MACROD2: variants seen among roughly 807,000 people sequenced by gnomAD.
MACROD2 encodes the protein mono-ADP ribosylhydrolase 2, also known as ADP-ribose glycohydrolase MACROD2.
A neutral mutation model predicts 70.4 loss-of-function variants in MACROD2; 36 were observed. That is an observed-to-expected ratio of 0.51 (90% confidence interval 0.39 to 0.68). The LOEUF (loss-of-function observed/expected upper bound fraction) is 0.68, where lower values mean the gene tolerates loss of function less well. Among genes scored for constraint, MACROD2 ranks in the 30% least tolerant of loss-of-function variants. The probability of loss-of-function intolerance (pLI) is 0.00; values close to 1 mark genes in which losing one functional copy is unlikely to be tolerated. For missense variants in MACROD2, 496 were observed against 538.4 expected, an observed-to-expected ratio of 0.92 and a Z score of 0.78; for synonymous variants, 172 against 178.8, an observed-to-expected ratio of 0.96 and a Z score of 0.30.
intron 5 of MACROD2, among the ~76,000 whole-genome samples, chr20:15,007,810 C>T (rs1379513769): frequency 6.6e-6 from 1 of 152,216 alleles, no homozygotes; most frequent in African/African-American, 2.4e-5. Flanking sequence ...CTCTCAGGGA[C>T]ATTGCTTCAG....
chr20:15,725,927 TA>T (rs2050856012), intron 8 of MACROD2, among the ~76,000 whole-genome samples: 1 of 152,136 alleles, frequency 6.6e-6, no homozygotes, highest in South Asian at 2.1e-4. Flanking sequence ...TTTACCTATC[TA>T]AAAATATATA....
intron 5 of MACROD2, among the ~76,000 whole-genome samples, chr20:15,074,512 C>T (rs2123114921): frequency 1.3e-5 from 2 of 152,200 alleles, no homozygotes; most frequent in East Asian, 3.9e-4. Flanking sequence ...TTGTGGGAAC[C>T]TCGATTTAGA....
chr20:15,596,141 AAAG>A (rs2048743580), intron 8 of MACROD2, among the ~76,000 whole-genome samples: 3 of 152,216 alleles, frequency 2.0e-5, no homozygotes, highest in African/African-American at 7.2e-5. Context: ...TAATCTAAAC[AAAG>A]AAGAACAAGA....
intron 5 of MACROD2, among the ~76,000 whole-genome samples, chr20:15,166,489 A>G (rs184041059): frequency 2.0e-5 from 3 of 152,320 alleles, no homozygotes; most frequent in Non-Finnish European, 4.4e-5. Flanking sequence ...TGTAAAAAAT[A>G]AATTTCCATT....
intron 5 of MACROD2, among the ~76,000 whole-genome samples, chr20:14,906,472 C>A (rs560808479): frequency 6.6e-6 from 1 of 152,038 alleles, no homozygotes; most frequent in Non-Finnish European, 1.5e-5. Flanking sequence ...CCAGCCTGGG[C>A]AACAGAGTGA....
chr20:14,858,860 A>C (rs928892251), intron 5 of MACROD2, among the ~76,000 whole-genome samples: 1 of 152,132 alleles, frequency 6.6e-6, no homozygotes, highest in African/African-American at 2.4e-5. Flanking sequence ...ACTCACCTCA[A>C]AGGTTGTTGT....
At chr20:14,528,343 A>G (rs1450100611) in intron 4 of MACROD2, among the ~76,000 whole-genome samples, 4 of 136,144 alleles carry the variant, frequency 2.9e-5, no homozygotes, top group African/African-American at 8.5e-5. Flanking sequence ...TTCAGTAGAG[A>G]TGGTTTCTCC....
chr20:14,810,129 C>T (rs942254327), intron 5 of MACROD2, among the ~76,000 whole-genome samples: 1 of 152,054 alleles, frequency 6.6e-6, no homozygotes. Context: ...GGCAGAGACA[C>T]AACAACGACA....
intron 5 of MACROD2, among the ~76,000 whole-genome samples, chr20:14,691,277 A>T (rs2071060722): frequency 6.6e-6 from 1 of 152,226 alleles, no homozygotes; most frequent in Non-Finnish European, 1.5e-5. Context: ...ATTGAATTTT[A>T]TTAAATGAAT....
At chr20:14,424,739 G>A (rs1399920636) in intron 3 of MACROD2, among the ~76,000 whole-genome samples, 3 of 152,144 alleles carry the variant, frequency 2.0e-5, no homozygotes, top group African/African-American at 7.2e-5. Context: ...TTTATTTTCA[G>A]CATCCCTGGA....
intron 8 of MACROD2, among the ~76,000 whole-genome samples, chr20:15,797,999 A>G (rs2063690572): frequency 6.6e-6 from 1 of 152,232 alleles, no homozygotes; most frequent in Admixed American, 6.5e-5. Context: ...TACATTCTGC[A>G]CCAGAAATTT....
intron 3 of MACROD2, among the ~76,000 whole-genome samples, chr20:14,189,666 G>T (rs1418092543): frequency 6.6e-6 from 1 of 152,202 alleles, no homozygotes; most frequent in Admixed American, 6.5e-5. Context: ...AATTATGAGA[G>T]GGTATAGAAG....
intron 5 of MACROD2, among the ~76,000 whole-genome samples, chr20:15,144,821 T>G (rs1239180475): frequency 1.3e-5 from 2 of 152,170 alleles, no homozygotes; most frequent in Non-Finnish European, 2.9e-5. Flanking sequence ...GTTGCTGTCC[T>G]GGAAGAGTGG....
intron 5 of MACROD2, among the ~76,000 whole-genome samples, chr20:14,922,655 G>A (rs1366447887): frequency 6.6e-6 from 1 of 152,078 alleles, no homozygotes; most frequent in Non-Finnish European, 1.5e-5. Context: ...GTATCCACAA[G>A]GAAAGGCGAA....
At chr20:15,244,127 G>A (rs2077084880) in intron 6 of MACROD2, among the ~76,000 whole-genome samples, 1 of 151,898 alleles carries the variant, frequency 6.6e-6, no homozygotes, top group African/African-American at 2.4e-5. Flanking sequence ...ATATTTATAT[G>A]GTGGAAATAG....
chr20:14,261,328 C>T (rs935103733), intron 3 of MACROD2, among the ~76,000 whole-genome samples: 1 of 152,048 alleles, frequency 6.6e-6, no homozygotes, highest in Admixed American at 6.6e-5. Flanking sequence ...GTAACAAAAT[C>T]CCTTTTGTTG....
intron 4 of MACROD2, among the ~76,000 whole-genome samples, chr20:14,581,150 A>G (rs2123347395): frequency 6.6e-6 from 1 of 152,322 alleles, no homozygotes; most frequent in Non-Finnish European, 1.5e-5. Flanking sequence ...GCTTGAATTA[A>G]AGGAAAAACA....
intron 15 of MACROD2, among the ~76,000 whole-genome samples, chr20:16,001,249 G>A (rs569656071): frequency 1.1e-4 from 17 of 152,150 alleles, no homozygotes; most frequent in Non-Finnish European, 2.2e-4. Flanking sequence ...TTTTTTCATC[G>A]ATTTCACCAT....
At chr20:14,232,817 A>G (rs191041596) in intron 3 of MACROD2, among the ~76,000 whole-genome samples, 50 of 152,352 alleles carry the variant, frequency 3.3e-4, no homozygotes, top group Admixed American at 1.2e-3. Flanking sequence ...TGCATTTACA[A>G]TTCAGCCAAC....
Sources: allele counts gnomAD v4.1 joint callset (sites outside exome capture counted in the v4.1 genomes callset), GRCh38; gene constraint gnomAD v4.1.1; transcripts MANE v1.5; gene names NCBI Gene and HGNC (gene_info 2026-07-23, HGNC 2026-07-21).